CREB5: variants seen among roughly 807,000 people sequenced by gnomAD.
CREB5 encodes the protein cAMP responsive element binding protein 5.
Under a neutral mutation model 57.1 loss-of-function variants are expected in CREB5, and 19 were observed. That is an observed-to-expected ratio of 0.33 (90% CI 0.23 to 0.49). CREB5 has a LOEUF of 0.49. Among genes scored for constraint, CREB5 ranks in the 20% least tolerant of loss-of-function variants. CREB5 has a pLI of 0.99. For missense variants in CREB5, 579 were observed against 671.6 expected, an observed-to-expected ratio of 0.86 and a Z score of 1.52; for synonymous variants, 238 against 238.3, an observed-to-expected ratio of 1.00 and a Z score of 0.01.
At chr7:28,797,960 G>GAAAA (rs59850606) in intron 7 of CREB5, among the ~76,000 whole-genome samples, 9 of 149,180 alleles carry the variant, frequency 6.0e-5, no homozygotes, top group Non-Finnish European at 7.4e-5. Context: ...TTTGGAAAGT[G>GAAAA]AAAAAAAAAA....
At chr7:28,671,281 T>C (rs2128719176) in intron 5 of CREB5, among the ~76,000 whole-genome samples, 1 of 151,974 alleles carries the variant, frequency 6.6e-6, no homozygotes, top group East Asian at 2.0e-4. Flanking sequence ...AAAAAGTGTG[T>C]ACTAAATTGG....
chr7:28,400,672 A>T (rs957019841), intron 1 of CREB5, among the ~76,000 whole-genome samples: 7 of 152,184 alleles, frequency 4.6e-5, no homozygotes, highest in African/African-American at 1.7e-4. Context: ...AACTTCCCAG[A>T]TTTTAAATAT....
At chr7:28,320,303 G>GA (rs1414925123) in intron 1 of CREB5, among the ~76,000 whole-genome samples, 1 of 151,920 alleles carries the variant, frequency 6.6e-6, no homozygotes, top group African/African-American at 2.4e-5. Context: ...AATGACTGGT[G>GA]AAAAAATAAT....
chr7:28,636,495 G>A (rs766429706), intron 5 of CREB5, among the ~76,000 whole-genome samples: 1 of 152,078 alleles, frequency 6.6e-6, no homozygotes, highest in African/African-American at 2.4e-5. Flanking sequence ...CTTCTTTCCT[G>A]TGTGGCACTT....
At chr7:28,460,705 T>C (rs951109862) in intron 1 of CREB5, among the ~76,000 whole-genome samples, 1 of 152,100 alleles carries the variant, frequency 6.6e-6, no homozygotes, top group Non-Finnish European at 1.5e-5. Context: ...AAAACATCAT[T>C]AGTAGGGTTA....
At chr7:28,629,244 T>A (rs1798113851) in intron 5 of CREB5, among the ~76,000 whole-genome samples, 1 of 152,238 alleles carries the variant, frequency 6.6e-6, no homozygotes, top group South Asian at 2.1e-4. Context: ...GGCATATGTT[T>A]AAAAAGAGAA....
intron 1 of CREB5, among the ~76,000 whole-genome samples, chr7:28,373,039 G>A (rs998405925): frequency 1.3e-5 from 2 of 152,166 alleles, no homozygotes; most frequent in African/African-American, 4.8e-5. Flanking sequence ...AGGAAAGTCA[G>A]TCTGGTTCTC....
chr7:28,434,531 A>G (rs998761561), intron 1 of CREB5, among the ~76,000 whole-genome samples: 1 of 152,176 alleles, frequency 6.6e-6, no homozygotes, highest in East Asian at 1.9e-4. Context: ...CTCCAAGAAG[A>G]GACAATACAG....
At chr7:28,815,256 T>C (rs984895733) in intron 9 of CREB5, among the ~76,000 whole-genome samples, 1 of 152,184 alleles carries the variant, frequency 6.6e-6, no homozygotes, top group Non-Finnish European at 1.5e-5. Flanking sequence ...CTGGACGACA[T>C]AGCAAGACCC....
intron 1 of CREB5, among the ~76,000 whole-genome samples, chr7:28,459,761 G>C (rs539923129): frequency 6.6e-6 from 1 of 152,292 alleles, no homozygotes; most frequent in East Asian, 1.9e-4. Context: ...GACTGGCTCT[G>C]TCATGTTGCC....
intron 4 of CREB5, among the ~76,000 whole-genome samples, chr7:28,560,176 T>G (rs1415553573): frequency 1.3e-5 from 2 of 152,196 alleles, no homozygotes; most frequent in African/African-American, 4.8e-5. Flanking sequence ...GATTGATCAA[T>G]CAACAGATTT....
intron 5 of CREB5, among the ~76,000 whole-genome samples, chr7:28,610,740 C>A (rs1797350313): frequency 6.6e-6 from 1 of 152,150 alleles, no homozygotes; most frequent in African/African-American, 2.4e-5. Context: ...GATCTCTGCA[C>A]AGTTCTGGGC....
intron 1 of CREB5, among the ~76,000 whole-genome samples, chr7:28,445,808 C>T (rs1340388352): frequency 6.6e-6 from 1 of 152,158 alleles, no homozygotes; most frequent in East Asian, 1.9e-4. Context: ...GCCTCAGCCT[C>T]CCAAAGTGCT....
At chr7:28,407,613 C>T (rs1245034975), upstream of CREB5, among the ~76,000 whole-genome samples, 2 of 152,118 alleles carry the variant, frequency 1.3e-5, no homozygotes, top group South Asian at 2.1e-4. Context: ...CAGCTAGAAA[C>T]CTTTTGCATG....
intron 7 of CREB5, among the ~76,000 whole-genome samples, chr7:28,730,241 T>A (rs1327052197): frequency 6.6e-6 from 1 of 152,196 alleles, no homozygotes; most frequent in African/African-American, 2.4e-5. Flanking sequence ...TAAAGTGCAG[T>A]GGAGGGACCA....
At chr7:28,672,966 A>T (rs1250121246) in intron 5 of CREB5, among the ~76,000 whole-genome samples, 5 of 152,116 alleles carry the variant, frequency 3.3e-5, no homozygotes, top group Non-Finnish European at 7.4e-5. Flanking sequence ...CTCTTAGATT[A>T]CCTTGAGTCC....
chr7:28,721,198 C>T (rs986054281), intron 6 of CREB5, among the ~76,000 whole-genome samples: 2 of 152,108 alleles, frequency 1.3e-5, no homozygotes, highest in East Asian at 3.9e-4. Flanking sequence ...CAACCAGGGT[C>T]GGTGGGAAGG....
At chr7:28,670,620 G>A (rs978056174) in intron 5 of CREB5, among the ~76,000 whole-genome samples, 1 of 152,188 alleles carries the variant, frequency 6.6e-6, no homozygotes, top group Admixed American at 6.5e-5. Flanking sequence ...AAGGGGATAT[G>A]TAGCTTATAT....
At chr7:28,809,085 A>T in intron 8 of CREB5, 102 bp from the exon 9 acceptor site, 1 of 1,055,826 alleles carries the variant, frequency 9.5e-7, no homozygotes, top group South Asian at 1.6e-5. Context: ...CTGAAACGAT[A>T]GACTTTCTGT....
Sources: gnomAD v4.1 joint callset for allele counts (sites outside exome capture counted in the v4.1 genomes callset) on GRCh38, gnomAD v4.1.1 for gene constraint, MANE v1.5 for transcripts, NCBI Gene and HGNC (gene_info 2026-07-23, HGNC 2026-07-21) for gene names.